GLDN: variants seen among roughly 807,000 people sequenced by gnomAD.
GLDN encodes gliomedin.
GLDN carries 47 observed loss-of-function variants against 56.5 expected under a neutral mutation model. That is an observed-to-expected ratio of 0.83 (90% CI 0.66 to 1.06). The LOEUF (loss-of-function observed/expected upper bound fraction) is 1.06. Ranked by LOEUF, GLDN falls within the 50% of genes least tolerant of loss-of-function variation. The probability of loss-of-function intolerance (pLI) is 0.00; values close to 1 mark genes in which losing one functional copy is unlikely to be tolerated. For synonymous variants in GLDN, 332 were observed against 278.8 expected (o/e 1.19, Z -1.90); for missense variants, 782 against 714.3 (o/e 1.09, Z -1.08).
chr15:51,352,913 T>C (rs1473970621), intron 1 of GLDN, among the ~76,000 whole-genome samples: 1 of 149,374 alleles, frequency 6.7e-6, no homozygotes, highest in East Asian at 2.0e-4. Context: ...CCTCCTGGCT[T>C]GGGAAGCACA....
At chr15:51,363,023 C>T (rs973980134) in intron 1 of GLDN, among the ~76,000 whole-genome samples, 3 of 152,032 alleles carry the variant, frequency 2.0e-5, no homozygotes, top group African/African-American at 7.2e-5. Context: ...GAAAGATTTG[C>T]CATTAACTGA....
At chr15:51,395,135 G>T (rs1344117237) in intron 5 of GLDN, among the ~76,000 whole-genome samples, 154 bp downstream of exon 5, 1 of 152,204 alleles carries the variant, frequency 6.6e-6, no homozygotes, top group Non-Finnish European at 1.5e-5. Flanking sequence ...TGCTTTCAAA[G>T]AGGAGAAACA....
At chr15:51,410,987 G>A (rs953611385), downstream of GLDN, among the ~76,000 whole-genome samples, 6 of 152,252 alleles carry the variant, frequency 3.9e-5, no homozygotes, top group African/African-American at 1.4e-4. Flanking sequence ...TGGTCTAATT[G>A]CTCAAACTTT....
intron 1 of GLDN, among the ~76,000 whole-genome samples, chr15:51,368,172 T>A (rs1219829396): frequency 1.3e-5 from 2 of 152,182 alleles, no homozygotes; most frequent in Non-Finnish European, 2.9e-5. Flanking sequence ...GCTGAAGTCT[T>A]TTTTGAGTAC....
At chr15:51,411,201 A>G (rs1365683100), downstream of GLDN, among the ~76,000 whole-genome samples, 1 of 152,364 alleles carries the variant, frequency 6.6e-6, no homozygotes, top group East Asian at 1.9e-4. Context: ...GAGAAAGCTA[A>G]GGGCCTCCTA....
At chr15:51,385,188 C>T (rs535197498) in intron 4 of GLDN, 3 of 152,268 alleles carry the variant, frequency 2.0e-5, no homozygotes, top group African/African-American at 4.8e-5. Context: ...ATAATGATGC[C>T]TATTGGCTTA....
downstream of GLDN, among the ~76,000 whole-genome samples, chr15:51,411,498 A>G (rs2038464663): frequency 6.6e-6 from 1 of 152,236 alleles, no homozygotes; most frequent in Admixed American, 6.5e-5. Context: ...GATGGGTTAA[A>G]TCAAGTTTGT....
intron 1 of GLDN, among the ~76,000 whole-genome samples, chr15:51,358,437 G>A (rs2037228040): frequency 6.6e-6 from 1 of 152,298 alleles, no homozygotes. Flanking sequence ...TAGATGCAAA[G>A]GTAATTGTGG....
At chr15:51,377,215 T>G (rs1193739114) in intron 1 of GLDN, 3 of 550,634 alleles carry the variant, frequency 5.4e-6, no homozygotes, top group Non-Finnish European at 6.4e-6. Context: ...ACCCCGTGAC[T>G]GGACAAATGA....
At chr15:51,383,288 T>A in intron 2 of GLDN, 148 bp from the exon 3 acceptor site, 1 of 853,302 alleles carries the variant, frequency 1.2e-6, no homozygotes, top group Non-Finnish European at 1.9e-6. Flanking sequence ...TTAAAGGGTC[T>A]TTTGGCCAAA....
At chr15:51,374,684 G>A (rs1024611079) in intron 1 of GLDN, among the ~76,000 whole-genome samples, 3 of 149,142 alleles carry the variant, frequency 2.0e-5, no homozygotes, top group Admixed American at 6.7e-5. Context: ...ATATGTGTTT[G>A]TCATATTATT....
chr15:51,403,370 T>C (rs998443259), intron 9 of GLDN, among the ~76,000 whole-genome samples: 1 of 152,186 alleles, frequency 6.6e-6, no homozygotes, highest in Admixed American at 6.5e-5. Flanking sequence ...CTCTAGTTTC[T>C]TCACGGTTTC....
Position 51,400,457 on chromosome 15 carries a change from A to G in GLDN, c.986A>G (p.Asn329Ser), listed in dbSNP as rs776377579. 1 of 1,614,214 alleles carries G rather than the reference A, an allele frequency of 6.2e-7. No individual in the cohort carries two copies. The highest frequency in any genetic ancestry group is 8.5e-7 in the Non-Finnish European group (1 of 1,180,022). Residue 329 changes from asparagine to serine, a missense_variant, in exon 8 of 10, where the codon AAC becomes AGC. Transcript: ENST00000335449. Reference sequence around the variant, plus strand: ...GGGACTTGGATAAGAGAGTCTGCTAACAAGAGTGATGACCGGATTTGGGTG... The same window carrying G: ...GGGACTTGGATAAGAGAGTCTGCTAGCAAGAGTGATGACCGGATTTGGGTG... ...TFGTWIRESA[N>S]KSDDRIWVTE...
At chr15:51,377,345 G>T in intron 1 of GLDN, 104 bp from the exon 2 acceptor site, 1 of 954,200 alleles carries the variant, frequency 1.0e-6, no homozygotes. Flanking sequence ...TTCTCCTAAA[G>T]TTACTTGGTG....
At chr15:51,361,448 A>G (rs984083746) in intron 1 of GLDN, among the ~76,000 whole-genome samples, 1 of 152,122 alleles carries the variant, frequency 6.6e-6, no homozygotes, top group Non-Finnish European at 1.5e-5. Flanking sequence ...TTGCCATACT[A>G]AGAGTTTTAG....
At chr15:51,388,070 C>T (rs1207769801) in intron 4 of GLDN, among the ~76,000 whole-genome samples, 1 of 152,148 alleles carries the variant, frequency 6.6e-6, no homozygotes, top group Non-Finnish European at 1.5e-5. Context: ...GCCCACTGCC[C>T]AGAATGCCCT....
chr15:51,356,359 G>A (rs1443966410), intron 1 of GLDN, among the ~76,000 whole-genome samples: 1 of 152,150 alleles, frequency 6.6e-6, no homozygotes. Context: ...TTAACATCAA[G>A]GATGGTGGTG....
intron 1 of GLDN, among the ~76,000 whole-genome samples, chr15:51,370,876 T>C (rs1003244798): frequency 2.0e-5 from 3 of 151,926 alleles, no homozygotes; most frequent in Non-Finnish European, 1.5e-5. Flanking sequence ...CCTATAGTCC[T>C]AGCTACTTGG....
In GLDN at chr15:51,346,249, A is replaced by G. The variant is rs558552005; in HGVS notation, c.363+4202A>G. On this transcript the variant is annotated intron_variant, in intron 1 of 9. Transcript: ENST00000335449. ...CATTCCTGGCAAGGAAACCGCTGAA[A>G]AAGAACAAGGAGGAACACTAGGTTC... Among the ~76,000 whole-genome samples the G allele has an allele frequency of 5.9e-5, 9 of 152,344 alleles. No individual in the cohort carries two copies. The East Asian group carries it at 1.3e-3, about 23-fold the overall frequency.
Sources: gnomAD v4.1 joint callset for allele counts (sites outside exome capture counted in the v4.1 genomes callset) on GRCh38, gnomAD v4.1.1 for gene constraint, MANE v1.5 for transcripts, NCBI Gene and HGNC (gene_info 2026-07-23, HGNC 2026-07-21) for gene names.